The following WDR59 variants were observed in gnomAD, a reference collection of about 807,000 sequenced individuals.
WDR59 encodes the protein WD repeat domain 59.
In WDR59, 100 loss-of-function variants were observed where a neutral mutation model predicts 131.2. The observed-to-expected ratio is 0.76, with a 90% CI of 0.65 to 0.90. The LOEUF (loss-of-function observed/expected upper bound fraction) is 0.90, where lower values mean the gene tolerates loss of function less well. WDR59 is among the 40% of genes least tolerant of loss of function. The pLI, the probability that WDR59 is intolerant of heterozygous loss-of-function variation, is 0.00. For synonymous variants in WDR59, 601 were observed against 466.2 expected, an observed-to-expected ratio of 1.29 and a Z score of -3.72; for missense variants, 1,203 against 1,262.2, an observed-to-expected ratio of 0.95 and a Z score of 0.71.
At position 74,885,783 on chromosome 16, in the gene WDR59, G is replaced by T. The variant is rs112870564; in HGVS notation, c.2559C>A (p.Pro853=). The change falls in exon 25 of 26, where the codon CCC becomes CCA. Residue 853 remains proline, a synonymous_variant. Transcript: ENST00000262144. The stretch of plus-strand genomic sequence containing the variant: ...AGTCATCAAATTGCTGGGTATTGGC[G>T]GGGTCCAGGAGCCTGGATAAAGTTA... ...QHDKNKRLLD[P]ANTQQFDDFK... is the part of the protein sequence containing the mutation. The T allele has an allele frequency of 1.2e-4, 196 of 1,613,808 alleles. No individual in the cohort carries two copies. The highest frequency in any genetic ancestry group is 1.6e-4 in the Non-Finnish European group (192 of 1,179,978).
At chr16:74,954,327 G>A (rs2033172163) in intron 3 of WDR59, among the ~76,000 whole-genome samples, 1 of 152,066 alleles carries the variant, frequency 6.6e-6, no homozygotes, top group African/African-American at 2.4e-5. Context: ...AGAATCGCTT[G>A]AACCCAGGAG....
At chr16:74,888,342 G>C (rs374585960) in intron 21 of WDR59, 23 bp from the exon 22 acceptor site, 2 of 1,605,222 alleles carry the variant, frequency 1.2e-6, no homozygotes, top group Non-Finnish European at 1.7e-6. Flanking sequence ...TAAGAGGAAA[G>C]AAAACAAGTC....
intron 8 of WDR59, among the ~76,000 whole-genome samples, chr16:74,935,943 G>A (rs879533029): frequency 6.6e-6 from 1 of 151,198 alleles, no homozygotes; most frequent in Non-Finnish European, 1.5e-5. Flanking sequence ...GTTGCAGTGA[G>A]CCGAGATCGC....
At chr16:74,892,380 T>C in intron 20 of WDR59, 104 bp downstream of exon 20, 1 of 1,000,620 alleles carries the variant, frequency 1.0e-6, no homozygotes, top group Non-Finnish European at 1.5e-6. Context: ...GAATTCCAAA[T>C]TAAGACACAC....
rs1964748970 is a variant in WDR59 at position 74,886,172 on chromosome 16, G to C, written c.2546+98C>G. 6.5e-6 allele frequency: 7 copies of C among 1,078,922 alleles called. No individual in the cohort carries two copies. The South Asian group carries it at 1.1e-4, about 16-fold the overall frequency. The allele number at this position is 1,078,922 out of a possible 1,614,324, so 66.8% of individuals were successfully genotyped here. A position where few individuals can be genotyped will look rare whatever the true frequency, so the allele number is the denominator to read the frequency against. The stretch of plus-strand genomic sequence containing the variant: ...CAACCTAGTGACCGGGTAAGATTCT[G>C]TGTCCAAAAAAAAAAAAAGTAAGAG... On this transcript the variant is annotated intron_variant, in intron 24 of 25. Transcript: ENST00000262144.
chr16:74,950,601 T>C (rs2032934321), intron 4 of WDR59, among the ~76,000 whole-genome samples: 1 of 152,188 alleles, frequency 6.6e-6, no homozygotes, highest in South Asian at 2.1e-4. Context: ...GTGTCTCACC[T>C]TTCCCAGCAC....
chr16:74,979,708 T>C (rs1314661376), intron 1 of WDR59, among the ~76,000 whole-genome samples: 1 of 149,704 alleles, frequency 6.7e-6, no homozygotes, highest in East Asian at 2.0e-4. Context: ...ACCCGGCTAA[T>C]TTTTGTATTT....
intron 1 of WDR59, among the ~76,000 whole-genome samples, chr16:74,968,147 G>A (rs2033847259): frequency 6.6e-6 from 1 of 152,140 alleles, no homozygotes; most frequent in South Asian, 2.1e-4. Context: ...AGAATGCGGA[G>A]TTACTGTTTA....
rs1363886951 is a variant in WDR59, at chr16:74,985,069, T to C, written c.-52A>G. 3 of 1,513,596 alleles carry C rather than the reference T, an allele frequency of 2.0e-6. No individual in the cohort carries two copies. In the East Asian group the frequency reaches 7.4e-5, roughly 37 times the overall value. The allele number at this position is 1,513,596 out of a possible 1,614,324, so 93.8% of individuals were successfully genotyped here. ...AGGACGGCGCCCTCCCACCCCGCCGTCCCCAGTATCCCGGGACCGTGCGCC... is the reference window on the plus strand; with the variant it reads ...AGGACGGCGCCCTCCCACCCCGCCGCCCCCAGTATCCCGGGACCGTGCGCC... On this transcript the variant is annotated 5_prime_UTR_variant, in exon 1 of 26. Transcript: ENST00000262144.
Position 74,983,414 on chromosome 16 carries a change from A to T in WDR59, c.54+1550T>A, listed in dbSNP as rs375234503. ...TTTGAACCTGGGAGGCAGAGGTTGC[A>T]GTGAACCAAGATCATGCCACTACAC... On this transcript the variant is annotated intron_variant, in intron 1 of 25. Transcript: ENST00000262144. 2.6e-4 allele frequency among the ~76,000 whole-genome samples: 40 copies of T among 152,266 alleles called. 2 individuals carry two copies. The South Asian group carries it at 8.3e-3, about 32-fold the overall frequency.
chr16:74,910,125 G>T (rs1966015637), intron 14 of WDR59, among the ~76,000 whole-genome samples: 1 of 151,828 alleles, frequency 6.6e-6, no homozygotes, highest in Non-Finnish European at 1.5e-5. Flanking sequence ...CCACCCCCAT[G>T]CCTGGCTAAT....
rs985184502 is a variant in WDR59, at chr16:74,871,970, G to T, written c.*2239C>A. On this transcript the variant is annotated 3_prime_UTR_variant, in exon 26 of 26. Coordinates refer to ENST00000262144, the MANE Select transcript of WDR59 (RefSeq NM_030581.4). Reference sequence around the variant, plus strand: ...TGAAGTTTTGTGCCCAGTAACACAGGGGACGAGGTATAAGCTTCATCCAAA... The same window carrying T: ...TGAAGTTTTGTGCCCAGTAACACAGTGGACGAGGTATAAGCTTCATCCAAA... The T allele has an allele frequency of 2.0e-5, 3 of 152,186 alleles. No homozygotes were observed. The highest frequency in any genetic ancestry group is 4.4e-5 in the Non-Finnish European group (3 of 68,026). The allele number at this position is 152,186 out of a possible 1,614,324, so 9.4% of individuals were successfully genotyped here.
intron 6 of WDR59, among the ~76,000 whole-genome samples, chr16:74,945,313 A>G (rs111594213): frequency 0.08 from 11,984 of 149,444 alleles, 782 homozygotes; most frequent in African/African-American, 0.17. Context: ...TGTCTCTACT[A>G]AAAATACAAA....
At chr16:74,947,693 T>G (rs753208604) in intron 6 of WDR59, among the ~76,000 whole-genome samples, 15 of 152,248 alleles carry the variant, frequency 9.9e-5, no homozygotes, top group Non-Finnish European at 1.8e-4. Flanking sequence ...TTAGGTATTT[T>G]TAAGTATGAT....
chr16:74,942,757 A>C lies in WDR59; in HGVS notation c.515T>G (p.Val172Gly), dbSNP rs2032332304. The part of the protein sequence containing the change: ...NCLATSHDGD[V>G]RIWDKRKPST... ...ACTCACCCTCTTATCCCATATCCGCACATCGCCGTCATGGCTGGTGGCAAG... is the reference window on the plus strand; with the variant it reads ...ACTCACCCTCTTATCCCATATCCGCCCATCGCCGTCATGGCTGGTGGCAAG... Residue 172 changes from valine (V) to glycine (G), a missense_variant, in exon 7 of 26, where the codon GTG becomes GGG. Transcript: ENST00000262144. 15 of 1,613,568 alleles carry C rather than the reference A, an allele frequency of 9.3e-6. No individual in the cohort carries two copies. The highest frequency in any genetic ancestry group is 1.3e-5 in the African/African-American group (1 of 74,902).
intron 14 of WDR59, chr16:74,911,916 T>C (rs1966113181): frequency 3.7e-5 from 20 of 533,336 alleles, no homozygotes; most frequent in Non-Finnish European, 3.3e-6. Flanking sequence ...GCAATATTTC[T>C]CAAATCATAT....
At chr16:74,948,098 G>A (rs570970638) in intron 6 of WDR59, among the ~76,000 whole-genome samples, 2 of 152,276 alleles carry the variant, frequency 1.3e-5, no homozygotes, top group South Asian at 4.1e-4. Flanking sequence ...CAAGGGGGAT[G>A]AAGGTGGAGG....
At chr16:74,977,518 C>A (rs1170432344) in intron 1 of WDR59, among the ~76,000 whole-genome samples, 1 of 151,982 alleles carries the variant, frequency 6.6e-6, no homozygotes, top group Non-Finnish European at 1.5e-5. Flanking sequence ...GAAACTCCAT[C>A]TCTACCAAAA....
intron 6 of WDR59, among the ~76,000 whole-genome samples, chr16:74,945,920 C>G (rs1183040144): frequency 1.3e-5 from 2 of 150,982 alleles, no homozygotes; most frequent in African/African-American, 4.9e-5. Context: ...CAGGTTCAAG[C>G]AATTCTCCTG....
Sources: allele counts gnomAD v4.1 joint callset (sites outside exome capture counted in the v4.1 genomes callset), GRCh38; gene constraint gnomAD v4.1.1; transcripts MANE v1.5; gene names NCBI Gene and HGNC (gene_info 2026-07-23, HGNC 2026-07-21).